The following CHAC2 variants were observed in gnomAD, a reference collection of about 807,000 sequenced individuals.
The protein encoded by CHAC2 is glutathione-specific gamma-glutamylcyclotransferase 2.
A neutral mutation model predicts 16.9 loss-of-function variants in CHAC2; 20 were observed. That is an observed-to-expected ratio of 1.18 (90% CI 0.83 to 1.72). The LOEUF (loss-of-function observed/expected upper bound fraction) is 1.72, where lower values mean the gene tolerates loss of function less well. Among genes scored for constraint, CHAC2 ranks in the 40% most tolerant of loss-of-function variants. The probability of loss-of-function intolerance (pLI) is 0.00; values close to 1 mark genes in which losing one functional copy is unlikely to be tolerated. For synonymous variants in CHAC2, 91 were observed against 77.3 expected, an observed-to-expected ratio of 1.18 and a Z score of -0.93; for missense variants, 269 against 222.2, an observed-to-expected ratio of 1.21 and a Z score of -1.34.
At chr2:53,771,771 A>T (rs1159223315) in intron 1 of CHAC2, 136 bp from the exon 2 acceptor site, 1 of 681,870 alleles carries the variant, frequency 1.5e-6, no homozygotes, top group South Asian at 1.7e-5. Context: ...ATCATAAAAA[A>T]TAACTATGCT....
At chr2:53,768,998 T>G (rs1243614367) in intron 1 of CHAC2, among the ~76,000 whole-genome samples, 1 of 152,244 alleles carries the variant, frequency 6.6e-6, no homozygotes, top group Non-Finnish European at 1.5e-5. Flanking sequence ...TTAGAAACCA[T>G]TCTATCTCAA....
At position 53,771,954 on chromosome 2, in the gene CHAC2, A is replaced by T. The variant is rs1175650356; in HGVS notation, c.171+12A>T. On this transcript the variant is annotated intron_variant, in intron 2 of 2. Coordinates refer to ENST00000295304, the MANE Select transcript of CHAC2 (RefSeq NM_001008708.4). ...TTGAAGATCCTGCGGTATGGTATAA[A>T]TATTCTTTTTTGTATAATTTTAATT... The T allele has an allele frequency of 6.9e-7, 1 of 1,442,530 alleles. No individual in the cohort carries two copies. The highest frequency in any genetic ancestry group is 2.4e-5 in the East Asian group (1 of 42,076). The allele number at this position is 1,442,530 out of a possible 1,614,324, so 89.4% of individuals were successfully genotyped here. A position where few individuals can be genotyped will look rare whatever the true frequency, so the allele number is the denominator to read the frequency against.
In CHAC2 at chr2:53,768,049, T is replaced by C. The variant is rs758472281; in HGVS notation, c.135+28T>C. 8 of 1,609,668 alleles carry C rather than the reference T, an allele frequency of 5.0e-6. No individual in the cohort carries two copies. The East Asian group carries it at 1.8e-4, about 36-fold the overall frequency. ...GAGGCGCCGGTCAGCTCCCCACACT[T>C]ACTGCCCCCTGACCCCTGCTCCCCA... On this transcript the variant is annotated intron_variant, in intron 1 of 2. Coordinates refer to ENST00000295304, the MANE Select transcript of CHAC2 (RefSeq NM_001008708.4).
At chr2:53,770,373 C>T (rs1479296733) in intron 1 of CHAC2, among the ~76,000 whole-genome samples, 1 of 151,944 alleles carries the variant, frequency 6.6e-6, no homozygotes, top group Non-Finnish European at 1.5e-5. Context: ...GATTTAGGCT[C>T]GCTATGTGCC....
intron 1 of CHAC2, 139 bp downstream of exon 1, chr2:53,768,160 T>C (rs1019407177): frequency 3.0e-6 from 3 of 1,014,284 alleles, no homozygotes; most frequent in Non-Finnish European, 4.1e-6. Context: ...AACATTTCTG[T>C]AGATTTTCCC....
intron 2 of CHAC2, among the ~76,000 whole-genome samples, chr2:53,772,743 G>A (rs780901456): frequency 6.6e-6 from 1 of 152,124 alleles, no homozygotes; most frequent in Non-Finnish European, 1.5e-5. Flanking sequence ...TGCAGGATGT[G>A]CAAGTTTGTT....
intron 1 of CHAC2, 142 bp from the exon 2 acceptor site, chr2:53,771,763 CAT>C: frequency 1.5e-6 from 1 of 669,504 alleles, no homozygotes; most frequent in Non-Finnish European, 2.7e-6. Context: ...TAAGCTTTAT[CAT>C]AAAAAATAAC....
At position 53,767,961 on chromosome 2, in the gene CHAC2, C is replaced by G. The variant is rs1481467313; in HGVS notation, c.75C>G (p.Ile25Met). 6.2e-7 allele frequency: 1 copy of G among 1,614,150 alleles called. No homozygotes were observed. Among genetic ancestry groups the G allele is most frequent in the Admixed American group, 1.7e-5 (1 of 60,032 alleles). Residue 25 changes from isoleucine to methionine, a missense_variant, in exon 1 of 3, where the codon ATC (isoleucine) becomes ATG (methionine). Transcript: ENST00000295304. The stretch of plus-strand genomic sequence containing the variant: ...ATCAGGACAAGCTGGTCGGATACAT[C>G]ACCAACTACAGCAGGCGCTTCTGGC... The part of the protein sequence containing the change: ...FPYQDKLVGY[I>M]TNYSRRFWQG...
At chr2:53,768,852 C>T (rs1673687194) in intron 1 of CHAC2, among the ~76,000 whole-genome samples, 1 of 152,150 alleles carries the variant, frequency 6.6e-6, no homozygotes, top group Non-Finnish European at 1.5e-5. Flanking sequence ...ACAACTAATC[C>T]ATAAAGAAAA....
intron 1 of CHAC2, among the ~76,000 whole-genome samples, chr2:53,769,769 G>A (rs1297355326): frequency 6.6e-6 from 1 of 152,204 alleles, no homozygotes; most frequent in Non-Finnish European, 1.5e-5. Context: ...AATCGCTTGG[G>A]AGGCAGACGT....
intron 1 of CHAC2, among the ~76,000 whole-genome samples, chr2:53,769,418 T>G (rs79224144): frequency 1.3e-5 from 2 of 152,250 alleles, no homozygotes; most frequent in African/African-American, 4.8e-5. Context: ...TGTATGTGGC[T>G]ATAACAACAT....
chr2:53,773,437 T>G (rs1169147191), intron 2 of CHAC2, among the ~76,000 whole-genome samples: 1 of 151,964 alleles, frequency 6.6e-6, no homozygotes, highest in African/African-American at 2.4e-5. Context: ...CTTTTATTTA[T>G]TTTTTATTTT....
chr2:53,774,633 AT>A lies in CHAC2; in HGVS notation c.*112del, dbSNP rs1368956856. On this transcript the variant is annotated 3_prime_UTR_variant, in exon 3 of 3. Transcript: ENST00000295304. ...TAGTGAGGATATTATTTAAACTTTT[AT>A]TTTAACTGGAAATGTCCTGAAACAC... The A allele has an allele frequency of 1.2e-6, 1 of 803,034 alleles. No homozygotes were observed. The highest frequency in any genetic ancestry group is 3.0e-5 in the East Asian group (1 of 33,728). The allele number at this position is 803,034 out of a possible 1,614,324, so 49.7% of individuals were successfully genotyped here.
At chr2:53,771,033 G>A (rs1458753823) in intron 1 of CHAC2, among the ~76,000 whole-genome samples, 1 of 152,140 alleles carries the variant, frequency 6.6e-6, no homozygotes, top group African/African-American at 2.4e-5. Context: ...AACAATTTCT[G>A]AAATCAGCAG....
At chr2:53,769,630 T>C (rs1219158644) in intron 1 of CHAC2, among the ~76,000 whole-genome samples, 3 of 152,324 alleles carry the variant, frequency 2.0e-5, no homozygotes, top group Admixed American at 6.5e-5. Flanking sequence ...GTGGATCACC[T>C]GAGGTCGGGA....
At chr2:53,771,219 C>T (rs12617668) in intron 1 of CHAC2, among the ~76,000 whole-genome samples, 13,519 of 152,014 alleles carry the variant, frequency 0.089, 644 homozygotes, top group East Asian at 0.18. Context: ...TTTTTTTCCC[C>T]TAATAAAACT....
chr2:53,767,886 G>A lies in CHAC2; in HGVS notation c.-1G>A, dbSNP rs561946022. On this transcript the variant is annotated 5_prime_UTR_variant, in exon 1 of 3. Coordinates refer to ENST00000295304, the MANE Select transcript of CHAC2 (RefSeq NM_001008708.4). ...CACTGGGGCAGAGGAGCCGCGAGAA[G>A]ATGTGGGTTTTTGGTTACGGGTCCC... 2.5e-6 allele frequency: 4 copies of A among 1,608,908 alleles called. No individual in the cohort carries two copies. The highest frequency in any genetic ancestry group is 2.2e-5 in the South Asian group (2 of 90,172).
At chr2:53,769,420 TAAC>T (rs1410069020) in intron 1 of CHAC2, among the ~76,000 whole-genome samples, 5 of 152,252 alleles carry the variant, frequency 3.3e-5, no homozygotes, top group African/African-American at 1.2e-4. Flanking sequence ...TATGTGGCTA[TAAC>T]AACATACTTT....
Position 53,768,029 on chromosome 2 carries a change from G to A in CHAC2, c.135+8G>A, listed in dbSNP as rs368309853. Reference sequence around the variant, plus strand: ...CGCGGGGTCCCCGGCAAGGTGAGGCGCCGGTCAGCTCCCCACACTTACTGC... The same window carrying A: ...CGCGGGGTCCCCGGCAAGGTGAGGCACCGGTCAGCTCCCCACACTTACTGC... On this transcript the variant is annotated splice_region_variant and intron_variant, in intron 1 of 2. Coordinates refer to ENST00000295304, the MANE Select transcript of CHAC2 (RefSeq NM_001008708.4). 9 of 1,612,448 alleles carry A rather than the reference G, an allele frequency of 5.6e-6. No individual in the cohort carries two copies. Among genetic ancestry groups the A allele is most frequent in the East Asian group, 2.2e-5 (1 of 44,880 alleles).
Sources: gnomAD v4.1 joint callset for allele counts (sites outside exome capture counted in the v4.1 genomes callset) on GRCh38, gnomAD v4.1.1 for gene constraint, MANE v1.5 for transcripts, NCBI Gene and HGNC (gene_info 2026-07-23, HGNC 2026-07-21) for gene names.